NALF1: variants seen among roughly 807,000 people sequenced by gnomAD.
NALF1 encodes NALCN channel auxiliary factor 1.
In NALF1, 3 loss-of-function variants were observed where a neutral mutation model predicts 48.4. The observed-to-expected ratio is 0.06, with a 90% CI of 0.03 to 0.16. The LOEUF (loss-of-function observed/expected upper bound fraction) is 0.16, where lower values mean the gene tolerates loss of function less well. NALF1 is among the 10% of genes least tolerant of loss of function. NALF1 has a pLI of 1.00. For missense variants in NALF1, 526 were observed against 571.5 expected, an observed-to-expected ratio of 0.92 and a Z score of 0.81; for synonymous variants, 262 against 245.7, an observed-to-expected ratio of 1.07 and a Z score of -0.62.
At chr13:107,782,666 G>A (rs1416089830) in intron 1 of NALF1, among the ~76,000 whole-genome samples, 5 of 151,654 alleles carry the variant, frequency 3.3e-5, no homozygotes, top group African/African-American at 9.7e-5. Context: ...CTGCCCGGCC[G>A]GCCATCGTCT....
chr13:107,443,261 G>A (rs1884595731), intron 1 of NALF1, among the ~76,000 whole-genome samples: 1 of 151,960 alleles, frequency 6.6e-6, no homozygotes, highest in Admixed American at 6.6e-5. Context: ...TGTCACCCAG[G>A]CTGGAGTGCA....
At chr13:107,677,685 CAT>C (rs968421897) in intron 1 of NALF1, among the ~76,000 whole-genome samples, 5 of 152,078 alleles carry the variant, frequency 3.3e-5, no homozygotes, top group African/African-American at 7.2e-5. Context: ...AGACAAAAAA[CAT>C]AAAGTATGAT....
chr13:107,262,958 G>T (rs146530862), intron 1 of NALF1, among the ~76,000 whole-genome samples: 2,054 of 152,260 alleles, frequency 0.013, 33 homozygotes, highest in African/African-American at 0.046. Context: ...GACTCGTTGC[G>T]TGTATAGGAA....
At chr13:107,660,484 C>A (rs4261394) in intron 1 of NALF1, among the ~76,000 whole-genome samples, 61,300 of 139,090 alleles carry the variant, frequency 0.44, 13,764 homozygotes, top group Middle Eastern at 0.6. Flanking sequence ...CACACACACA[C>A]AACAAAGAAA....
chr13:107,209,570 T>A (rs563836424), intron 2 of NALF1, among the ~76,000 whole-genome samples: 1 of 152,270 alleles, frequency 6.6e-6, no homozygotes, highest in Non-Finnish European at 1.5e-5. Flanking sequence ...CTTGATAGCT[T>A]ATCACTTAGA....
intron 1 of NALF1, among the ~76,000 whole-genome samples, chr13:107,594,768 ATT>A (rs1878695841): frequency 6.6e-6 from 1 of 152,060 alleles, no homozygotes; most frequent in Non-Finnish European, 1.5e-5. Flanking sequence ...GTAAATTAAT[ATT>A]GTTTTTCCTT....
chr13:107,562,407 G>T (rs1196227192), intron 1 of NALF1, among the ~76,000 whole-genome samples: 2 of 152,242 alleles, frequency 1.3e-5, no homozygotes, highest in African/African-American at 4.8e-5. Context: ...GAAGATAGGA[G>T]ATTGTAAGCT....
intron 1 of NALF1, among the ~76,000 whole-genome samples, chr13:107,469,191 G>A (rs991154778): frequency 6.6e-6 from 1 of 151,974 alleles, no homozygotes; most frequent in Non-Finnish European, 1.5e-5. Flanking sequence ...ATTCAACAAG[G>A]TATTCTATTT....
At chr13:107,396,742 G>A (rs1199962362) in intron 1 of NALF1, among the ~76,000 whole-genome samples, 2 of 152,172 alleles carry the variant, frequency 1.3e-5, no homozygotes, top group Non-Finnish European at 2.9e-5. Flanking sequence ...AGGAGAATAA[G>A]CACAGTCCTC....
intron 1 of NALF1, among the ~76,000 whole-genome samples, chr13:107,845,085 G>A (rs1880136212): frequency 6.6e-6 from 1 of 152,132 alleles, no homozygotes; most frequent in Non-Finnish European, 1.5e-5. Flanking sequence ...TATACACATA[G>A]CTTAATAGTT....
chr13:107,545,849 T>C (rs933090066), intron 1 of NALF1, among the ~76,000 whole-genome samples: 2 of 152,130 alleles, frequency 1.3e-5, no homozygotes, highest in African/African-American at 2.4e-5. Flanking sequence ...CACCCTGGAA[T>C]TGCATGAGTA....
At chr13:107,723,119 T>C (rs1270254299) in intron 1 of NALF1, among the ~76,000 whole-genome samples, 1 of 152,184 alleles carries the variant, frequency 6.6e-6, no homozygotes, top group Non-Finnish European at 1.5e-5. Flanking sequence ...TCACATTCAG[T>C]CAGCGGATTG....
chr13:107,426,998 C>T (rs933276594), intron 1 of NALF1, among the ~76,000 whole-genome samples: 6 of 151,886 alleles, frequency 4.0e-5, no homozygotes, highest in African/African-American at 1.4e-4. Context: ...GTACATAGAA[C>T]ATTATATAAC....
intron 1 of NALF1, among the ~76,000 whole-genome samples, chr13:107,325,239 T>C (rs1373491994): frequency 6.6e-6 from 1 of 152,088 alleles, no homozygotes; most frequent in Middle Eastern, 3.2e-3. Flanking sequence ...GCATAAAAAA[T>C]AAAATTAAAA....
At chr13:107,624,708 A>C (rs1879618912) in intron 1 of NALF1, among the ~76,000 whole-genome samples, 1 of 152,256 alleles carries the variant, frequency 6.6e-6, no homozygotes, top group South Asian at 2.1e-4. Flanking sequence ...AGTTTGATTT[A>C]TCCATAGCAA....
intron 1 of NALF1, among the ~76,000 whole-genome samples, chr13:107,392,955 C>A (rs969589769): frequency 6.6e-6 from 1 of 152,024 alleles, no homozygotes; most frequent in African/African-American, 2.4e-5. Flanking sequence ...CCACAGTGGA[C>A]ATGGAGGAGT....
chr13:107,354,833 A>G (rs539415575), intron 1 of NALF1, among the ~76,000 whole-genome samples: 23 of 152,250 alleles, frequency 1.5e-4, no homozygotes, highest in African/African-American at 5.5e-4. Context: ...AGCCCCTGAT[A>G]AATTTGGCTT....
chr13:107,791,788 C>G (rs534294608), intron 1 of NALF1, among the ~76,000 whole-genome samples: 1 of 150,192 alleles, frequency 6.7e-6, no homozygotes, highest in Non-Finnish European at 1.5e-5. Context: ...CGCCCCCCCC[C>G]GTCTCTACTA....
intron 1 of NALF1, among the ~76,000 whole-genome samples, chr13:107,724,028 T>C (rs959602999): frequency 6.6e-6 from 1 of 152,182 alleles, no homozygotes; most frequent in Non-Finnish European, 1.5e-5. Flanking sequence ...AAGGGATTCA[T>C]CTTTTCACAG....
Sources: allele counts gnomAD v4.1 joint callset (sites outside exome capture counted in the v4.1 genomes callset), GRCh38; gene constraint gnomAD v4.1.1; transcripts MANE v1.5; gene names NCBI Gene and HGNC (gene_info 2026-07-23, HGNC 2026-07-21).